HUWE1: variants seen among roughly 807,000 people sequenced by gnomAD.
HUWE1 encodes HECT, UBA and WWE domain containing E3 ubiquitin protein ligase 1.
A neutral mutation model predicts 299.4 loss-of-function variants in HUWE1; 18 were observed. That is an observed-to-expected ratio of 0.06 (90% CI 0.04 to 0.09). HUWE1 has a LOEUF of 0.09. Ranked by LOEUF, HUWE1 falls within the 10% of genes least tolerant of loss-of-function variation. The pLI is 1.00. For synonymous variants in HUWE1, 1,317 were observed against 1,286.1 expected, an observed-to-expected ratio of 1.02 and a Z score of -0.51; for missense variants, 1,832 against 3,462.3, an observed-to-expected ratio of 0.53 and a Z score of 11.82.
At chrX:53,613,766 C>A (rs2065631283) in intron 23 of HUWE1, among the ~76,000 whole-genome samples, 1 of 111,494 alleles carries the variant, frequency 9.0e-6, no homozygotes. Context: ...AAAAAAACAA[C>A]AAGCAACAAC....
At chrX:53,638,465 T>G (rs781843911) in intron 7 of HUWE1, among the ~76,000 whole-genome samples, 1 of 112,845 alleles carries the variant, frequency 8.9e-6, no homozygotes, top group South Asian at 3.6e-4. Flanking sequence ...CTATATTCAT[T>G]ATGCCACAGA....
chrX:53,607,095 G>A (rs2065192889), intron 25 of HUWE1, among the ~76,000 whole-genome samples: 1 of 110,946 alleles, frequency 9.0e-6, no homozygotes, highest in African/African-American at 3.3e-5. Flanking sequence ...ATTAAGTATC[G>A]GCAATGAACT....
chrX:53,622,772 C>T (rs1317815206), intron 19 of HUWE1, among the ~76,000 whole-genome samples: 2 of 111,850 alleles, frequency 1.8e-5, no homozygotes, highest in African/African-American at 6.5e-5. Flanking sequence ...AATAGTTCAA[C>T]AAAAATAAAC....
At chrX:53,620,747 T>C (rs1218509021) in intron 19 of HUWE1, among the ~76,000 whole-genome samples, 2 of 111,930 alleles carry the variant, frequency 1.8e-5, no homozygotes, top group South Asian at 3.7e-4. Context: ...ACTTTCCATC[T>C]ATGAGTCTAT....
At chrX:53,580,708 A>G in intron 43 of HUWE1, 123 bp downstream of exon 43, 1 of 652,555 alleles carries the variant, frequency 1.5e-6, no homozygotes, top group Non-Finnish European at 2.4e-6. Flanking sequence ...TCAATTAGCC[A>G]GCAAATGTCC....
chrX:53,617,732 C>T (rs782039203), intron 19 of HUWE1, among the ~76,000 whole-genome samples: 145 of 111,598 alleles, frequency 1.3e-3, no homozygotes, highest in African/African-American at 4.3e-3. Context: ...GTATAATGTC[C>T]TCTCCCGACA....
At chrX:53,572,381 A>T (rs1168580318) in intron 47 of HUWE1, among the ~76,000 whole-genome samples, 2 of 111,739 alleles carry the variant, frequency 1.8e-5, no homozygotes, top group African/African-American at 6.5e-5. Flanking sequence ...CCTAGGAAAA[A>T]CAGACTATTT....
intron 3 of HUWE1, among the ~76,000 whole-genome samples, chrX:53,669,774 T>A (rs985122329): frequency 1.3e-4 from 15 of 112,011 alleles, no homozygotes; most frequent in African/African-American, 4.9e-4. Context: ...TGGCTAACCA[T>A]TTGGATGAAA....
At chrX:53,672,439 A>T (rs1219130783) in intron 3 of HUWE1, among the ~76,000 whole-genome samples, 1 of 109,353 alleles carries the variant, frequency 9.1e-6, no homozygotes, top group Non-Finnish European at 1.9e-5. Flanking sequence ...TTTTATTTTT[A>T]GTAGAGGCAG....
chrX:53,547,783 G>C lies in HUWE1; in HGVS notation c.10526C>G (p.Thr3509Ser). 8.3e-7 allele frequency: 1 copy of C among 1,201,900 alleles called. No homozygotes were observed. The highest frequency in any genetic ancestry group is 2.3e-4 in the Middle Eastern group (1 of 4,272). The change falls in exon 68 of 84, where the codon ACC (threonine) becomes AGC (serine). Residue 3509 changes from threonine to serine, a missense_variant. By Grantham distance (58) the Thr-to-Ser change is moderately conservative (BLOSUM62 1). This residue lies in a region of HUWE1 where 119 missense variants were observed against 124.6 expected (regional missense o/e 0.96). Coordinates refer to ENST00000262854, the MANE Select transcript of HUWE1 (RefSeq NM_031407.7). ...CAGGGCTGGAGCAGAAGTGACAGGG[G>C]TGGGTGCAGTAGGGGGTGTGGGCGT... The part of the protein sequence containing the change: ...STTPTPPTAP[T>S]PVTSAPALVA...
rs2063070405 is a variant in HUWE1, at chrX:53,575,673, G to C, written c.6000C>G (p.Asp2000Glu). Reference sequence around the variant, plus strand: ...TGGAAAAACCTGACTGCGTATCAAAGTCACTGCTCTGACGCGTAAGTGACC... The same window carrying C: ...TGGAAAAACCTGACTGCGTATCAAACTCACTGCTCTGACGCGTAAGTGACC... ...QYRSLTRQSS[D>E]FDTQSGFSIN... The change falls in exon 45 of 84, where the codon GAC becomes GAG. Residue 2000 changes from aspartate to glutamate, a missense_variant. Asp to Glu is a conservative substitution (Grantham distance 45). Transcript: ENST00000262854. 8.3e-7 allele frequency: 1 copy of C among 1,210,234 alleles called. No individual in the cohort carries two copies. Among genetic ancestry groups the C allele is most frequent in the African/African-American group, 1.7e-5 (1 of 57,325 alleles).
chrX:53,626,697 T>C (rs1029517523), intron 17 of HUWE1, among the ~76,000 whole-genome samples: 1 of 111,942 alleles, frequency 8.9e-6, no homozygotes, highest in Non-Finnish European at 1.9e-5. Flanking sequence ...ATAAAATGTA[T>C]TAAGGCTCCA....
chrX:53,543,771 C>T (rs1332112800), intron 73 of HUWE1, 70 bp downstream of exon 73: 1 of 1,202,447 alleles, frequency 8.3e-7, no homozygotes, highest in East Asian at 3.0e-5. Context: ...GCAATGAAAC[C>T]CCACTGATGA....
intron 7 of HUWE1, 21 bp downstream of exon 7, chrX:53,645,290 A>G: frequency 8.3e-7 from 1 of 1,210,054 alleles, no homozygotes; most frequent in Non-Finnish European, 1.1e-6. Flanking sequence ...GCACCCCTCC[A>G]ACTCTTCACC....
intron 7 of HUWE1, among the ~76,000 whole-genome samples, chrX:53,635,211 TA>T (rs1182113505): frequency 9.1e-6 from 1 of 109,732 alleles, no homozygotes; most frequent in Non-Finnish European, 1.9e-5. Flanking sequence ...ACATTTCATA[TA>T]AAAAGATATT....
chrX:53,540,874 T>C (rs914607958), intron 74 of HUWE1, among the ~76,000 whole-genome samples: 1 of 111,881 alleles, frequency 8.9e-6, no homozygotes, highest in Admixed American at 9.5e-5. Context: ...TCCTGACCTT[T>C]GCTGTTCATC....
chrX:53,601,086 G>A (rs1313651577), intron 28 of HUWE1, among the ~76,000 whole-genome samples: 2 of 111,429 alleles, frequency 1.8e-5, no homozygotes, highest in Non-Finnish European at 1.9e-5. Context: ...GCTGTCATAT[G>A]TAAGTCCTTG....
At chrX:53,608,932 G>A in intron 23 of HUWE1, 23 bp from the exon 24 acceptor site, 1 of 980,550 alleles carries the variant, frequency 1.0e-6, no homozygotes, top group Non-Finnish European at 1.5e-6. Flanking sequence ...AAAAGAGTGA[G>A]TTACACAGAA....
intron 3 of HUWE1, among the ~76,000 whole-genome samples, chrX:53,667,794 C>T (rs2069321168): frequency 9.0e-6 from 1 of 111,634 alleles, no homozygotes; most frequent in Admixed American, 9.5e-5. Flanking sequence ...TACAAAAACC[C>T]TGAAATTCTG....
Sources: allele counts gnomAD v4.1 joint callset (sites outside exome capture counted in the v4.1 genomes callset), GRCh38; gene constraint gnomAD v4.1.1; regional missense constraint gnomAD v4.1.1; transcripts MANE v1.5; gene names NCBI Gene and HGNC (gene_info 2026-07-23, HGNC 2026-07-21).